Variants in RAC1 observed in about 807,000 individuals in gnomAD.
RAC1 encodes the protein ras-related C3 botulinum toxin substrate 1.
In RAC1, 2 loss-of-function variants were observed where a neutral mutation model predicts 25.2. That is an observed-to-expected ratio of 0.08 (90% confidence interval 0.03 to 0.25). The LOEUF is 0.25. Ranked by LOEUF, RAC1 falls within the 10% of genes least tolerant of loss-of-function variation. The pLI is 1.00. For missense variants in RAC1, 50 were observed against 235.7 expected (o/e 0.21, Z 5.16); for synonymous variants, 88 against 94.0 (o/e 0.94, Z 0.37).
chr7:6,394,767 G>A (rs892668333), intron 3 of RAC1, among the ~76,000 whole-genome samples: 11 of 151,160 alleles, frequency 7.3e-5, no homozygotes, highest in East Asian at 5.8e-4. Context: ...TGCAACCTCC[G>A]CTTCCCAGGT....
chr7:6,376,515 T>C (rs949151039), intron 1 of RAC1, among the ~76,000 whole-genome samples: 7 of 148,260 alleles, frequency 4.7e-5, no homozygotes, highest in African/African-American at 1.7e-4. Flanking sequence ...TCTTTTTTTT[T>C]TTTTTGAGAC....
At chr7:6,400,485 A>C (rs950386184) in intron 4 of RAC1, among the ~76,000 whole-genome samples, 1 of 151,986 alleles carries the variant, frequency 6.6e-6, no homozygotes, top group African/African-American at 2.4e-5. Flanking sequence ...GTGCACCACC[A>C]TGCGTGGCTA....
At chr7:6,378,087 G>A (rs144307127) in intron 1 of RAC1, among the ~76,000 whole-genome samples, 1 of 152,182 alleles carries the variant, frequency 6.6e-6, no homozygotes, top group Non-Finnish European at 1.5e-5. Context: ...GGATGGTTCT[G>A]TCTTATCATT....
chr7:6,399,010 C>T (rs948347450), intron 3 of RAC1, among the ~76,000 whole-genome samples: 1 of 152,288 alleles, frequency 6.6e-6, no homozygotes, highest in South Asian at 2.1e-4. Context: ...GGAGACTCCT[C>T]CCGGAAGCCC....
intron 1 of RAC1, 148 bp downstream of exon 1, chr7:6,374,918 G>T: frequency 1.6e-6 from 1 of 611,920 alleles, no homozygotes; most frequent in Non-Finnish European, 2.1e-6. Context: ...GGGGGCCGCG[G>T]GCGGGCGCCC....
chr7:6,398,574 T>C, intron 3 of RAC1: 1 of 1,202,718 alleles, frequency 8.3e-7, no homozygotes, highest in Non-Finnish European at 1.2e-6. Flanking sequence ...TAAGACAAAA[T>C]TCTAATAAAG....
At chr7:6,396,164 G>A (rs774119777) in intron 3 of RAC1, among the ~76,000 whole-genome samples, 2 of 152,204 alleles carry the variant, frequency 1.3e-5, no homozygotes, top group Non-Finnish European at 2.9e-5. Context: ...GCCGGTGACC[G>A]GAGACAGCCT....
At chr7:6,395,123 G>T (rs1216277381) in intron 3 of RAC1, among the ~76,000 whole-genome samples, 1 of 152,090 alleles carries the variant, frequency 6.6e-6, no homozygotes, top group Non-Finnish European at 1.5e-5. Context: ...CCAAGTGCTG[G>T]GATTACAAAT....
chr7:6,379,816 T>C (rs539005975), intron 1 of RAC1, among the ~76,000 whole-genome samples: 9 of 152,146 alleles, frequency 5.9e-5, no homozygotes, highest in African/African-American at 9.7e-5. Flanking sequence ...TGGCATGATA[T>C]GGGCTCATGG....
chr7:6,383,864 GCA>G (rs1562463071), intron 1 of RAC1, among the ~76,000 whole-genome samples: 5 of 126,880 alleles, frequency 3.9e-5, no homozygotes, highest in Admixed American at 3.9e-4. Flanking sequence ...GTGCAATGGC[GCA>G]ATCTCGGCTC....
chr7:6,389,241 A>G (rs181639841), intron 2 of RAC1, among the ~76,000 whole-genome samples: 11 of 152,024 alleles, frequency 7.2e-5, no homozygotes, highest in African/African-American at 2.4e-4. Context: ...TTTTTGGTAG[A>G]TAACTACCAA....
At chr7:6,388,850 T>C (rs1019232638) in intron 2 of RAC1, among the ~76,000 whole-genome samples, 1 of 152,158 alleles carries the variant, frequency 6.6e-6, no homozygotes, top group African/African-American at 2.4e-5. Context: ...TGTGTACACT[T>C]GATAGATTAT....
Position 6,374,702 on chromosome 7 carries a change from T to TGCC in RAC1, c.-22_-20dup, listed in dbSNP as rs776766549. 1.4e-5 allele frequency: 15 copies of TGCC among 1,086,550 alleles called. No individual in the cohort carries two copies. In the African/African-American group the frequency reaches 2.4e-4, roughly 17 times the overall value. The allele number at this position is 1,086,550 out of a possible 1,614,324, so 67.3% of individuals were successfully genotyped here. On this transcript the variant is annotated 5_prime_UTR_variant, in exon 1 of 6. Transcript: ENST00000348035. Reference sequence around the variant, plus strand: ...CCCGCCGCTTCCTATCTCAGCGCCCTGCCGCCGCCGCCGCGGCCCAGCGAG... The same window carrying TGCC: ...CCCGCCGCTTCCTATCTCAGCGCCCTGCCGCCGCCGCCGCCGCGGCCCAGCGAG...
intron 1 of RAC1, among the ~76,000 whole-genome samples, chr7:6,379,481 C>T (rs1782703915): frequency 2.0e-5 from 3 of 152,062 alleles, no homozygotes; most frequent in Non-Finnish European, 4.4e-5. Flanking sequence ...CCTTGTTAGC[C>T]AGGTTGGTCT....
Position 6,376,673 on chromosome 7 carries a change from T to A in RAC1, c.35+1903T>A, listed in dbSNP as rs13234545. 8.0e-3 allele frequency among the ~76,000 whole-genome samples: 195 copies of A among 24,510 alleles called. 1 individual carries two copies. In the East Asian group the frequency reaches 0.22, roughly 27 times the overall value. The allele number at this position is 24,510 out of a possible 152,430, so 16.1% of individuals were successfully genotyped here. A position where few individuals can be genotyped will look rare whatever the true frequency, so the allele number is the denominator to read the frequency against. Reference sequence around the variant, plus strand: ...CAAGCCACCATGCCCAGCTAATTTGTTTTTTTTTTTTTTTTTTGTATTTTT... The same window carrying A: ...CAAGCCACCATGCCCAGCTAATTTGATTTTTTTTTTTTTTTTTGTATTTTT... On this transcript the variant is annotated intron_variant, in intron 1 of 5. Transcript: ENST00000348035.
chr7:6,399,142 C>T (rs1783331936), intron 3 of RAC1, among the ~76,000 whole-genome samples: 1 of 152,118 alleles, frequency 6.6e-6, no homozygotes, highest in Non-Finnish European at 1.5e-5. Flanking sequence ...TGAGCTAACC[C>T]CACCGTGCTT....
intron 1 of RAC1, among the ~76,000 whole-genome samples, chr7:6,384,000 G>T (rs1049175862): frequency 1.2e-4 from 18 of 151,428 alleles, no homozygotes; most frequent in African/African-American, 4.4e-4. Context: ...TCTCCATGTT[G>T]GTCAGGCTCT....
At chr7:6,381,904 C>CGA (rs1562462205) in intron 1 of RAC1, among the ~76,000 whole-genome samples, 1 of 152,070 alleles carries the variant, frequency 6.6e-6, no homozygotes, top group Non-Finnish European at 1.5e-5. Context: ...AATCGAGGAC[C>CGA]TTCATGCGAG....
chr7:6,391,975 G>C lies in RAC1; in HGVS notation c.159G>C (p.Leu53=). 2 of 1,614,128 alleles carry C rather than the reference G, an allele frequency of 1.2e-6. No individual in the cohort carries two copies. The highest frequency in any genetic ancestry group is 1.7e-6 in the Non-Finnish European group (2 of 1,179,996). The part of the protein sequence containing the change: ...NVMVDGKPVN[L]GLWDTAGQED... ...TGGTAGATGGAAAACCGGTGAATCT[G>C]GGCTTATGGGATACAGCTGGACAAG... is the stretch of plus-strand genomic sequence containing the variant. The change falls in exon 3 of 6, where the codon CTG becomes CTC. Residue 53 remains leucine, a synonymous_variant. Transcript: ENST00000348035.
Sources: allele counts gnomAD v4.1 joint callset (sites outside exome capture counted in the v4.1 genomes callset), GRCh38; gene constraint gnomAD v4.1.1; transcripts MANE v1.5; gene names NCBI Gene and HGNC (gene_info 2026-07-23, HGNC 2026-07-21).